Variants in GRIP1 observed in about 807,000 individuals in gnomAD.
The protein encoded by GRIP1 is glutamate receptor interacting protein 1.
Under a neutral mutation model 129.9 loss-of-function variants are expected in GRIP1, and 45 were observed. That is an observed-to-expected ratio of 0.35 (90% confidence interval 0.27 to 0.44). The LOEUF is 0.44. GRIP1 is among the 20% of genes least tolerant of loss of function. The probability of loss-of-function intolerance (pLI) is 1.00; values close to 1 mark genes in which losing one functional copy is unlikely to be tolerated. For missense variants in GRIP1, 1,196 were observed against 1,396.8 expected (o/e 0.86, Z 2.29); for synonymous variants, 530 against 520.8 (o/e 1.02, Z -0.24).
At chr12:66,809,628 T>C (rs1310561889) in intron 1 of GRIP1, among the ~76,000 whole-genome samples, 1 of 152,154 alleles carries the variant, frequency 6.6e-6, no homozygotes, top group Non-Finnish European at 1.5e-5. Flanking sequence ...ATAGATCATG[T>C]AACTCATGAG....
At chr12:66,878,591 T>C (rs1159211478) in intron 1 of GRIP1, among the ~76,000 whole-genome samples, 1 of 151,962 alleles carries the variant, frequency 6.6e-6, no homozygotes, top group African/African-American at 2.4e-5. Context: ...AGTTGGGACA[T>C]ATTCTACATA....
At chr12:67,018,977 T>G (rs181253529) in intron 1 of GRIP1, among the ~76,000 whole-genome samples, 194 of 152,184 alleles carry the variant, frequency 1.3e-3, no homozygotes, top group Non-Finnish European at 2.2e-3. Flanking sequence ...GGATACAGTT[T>G]AAAATGCATA....
intron 1 of GRIP1, among the ~76,000 whole-genome samples, chr12:67,004,903 G>A (rs892930224): frequency 6.6e-6 from 1 of 151,718 alleles, no homozygotes; most frequent in African/African-American, 2.4e-5. Context: ...ATGCATAACA[G>A]AAAGAGCAAA....
chr12:67,021,595 CAATT>C (rs2042867992), intron 1 of GRIP1, among the ~76,000 whole-genome samples: 1 of 152,182 alleles, frequency 6.6e-6, no homozygotes, highest in Non-Finnish European at 1.5e-5. Flanking sequence ...CAAATCAGAG[CAATT>C]AATACCCATC....
intron 2 of GRIP1, among the ~76,000 whole-genome samples, chr12:66,555,776 G>C (rs573856211): frequency 1.3e-5 from 2 of 151,912 alleles, no homozygotes; most frequent in African/African-American, 4.8e-5. Flanking sequence ...TGCAATTGAC[G>C]TACTAAAGAA....
At chr12:66,723,246 TCC>T (rs1173685329) in intron 1 of GRIP1, among the ~76,000 whole-genome samples, 5 of 7,006 alleles carry the variant, frequency 7.1e-4, no homozygotes, top group African/African-American at 1.2e-3. Flanking sequence ...CTCTCTTCCT[TCC>T]TTCCTTCCTT....
chr12:66,911,518 GA>G (rs2041029221), intron 1 of GRIP1, among the ~76,000 whole-genome samples: 1 of 151,742 alleles, frequency 6.6e-6, no homozygotes, highest in Admixed American at 6.5e-5. Flanking sequence ...ATGTAACTAA[GA>G]AAAAAAGGGA....
chr12:66,873,232 C>T (rs561211914), intron 1 of GRIP1, among the ~76,000 whole-genome samples: 1 of 152,022 alleles, frequency 6.6e-6, no homozygotes, highest in Non-Finnish European at 1.5e-5. Context: ...CAGCATACTT[C>T]TATTTGTCAA....
intron 1 of GRIP1, among the ~76,000 whole-genome samples, chr12:67,015,215 C>A (rs1217402323): frequency 6.6e-6 from 1 of 152,136 alleles, no homozygotes; most frequent in Non-Finnish European, 1.5e-5. Context: ...TTCTGCAGCA[C>A]ATTAAGATGT....
At chr12:66,870,041 A>G (rs1199342727) in intron 1 of GRIP1, among the ~76,000 whole-genome samples, 3 of 152,072 alleles carry the variant, frequency 2.0e-5, no homozygotes, top group Admixed American at 1.3e-4. Flanking sequence ...TACCCATTAG[A>G]TGCCAGTAAC....
At chr12:67,058,364 G>A (rs1414169462) in intron 1 of GRIP1, among the ~76,000 whole-genome samples, 4 of 152,164 alleles carry the variant, frequency 2.6e-5, no homozygotes, top group African/African-American at 4.8e-5. Context: ...ATAAATGAAA[G>A]TGAAAAAGAA....
upstream of GRIP1, among the ~76,000 whole-genome samples, chr12:66,808,238 C>G (rs2039034854): frequency 6.6e-6 from 1 of 152,088 alleles, no homozygotes; most frequent in Non-Finnish European, 1.5e-5. Context: ...GGCAGTTTAT[C>G]TCCCACAAAT....
At chr12:66,462,488 C>T (rs1469778981) in intron 9 of GRIP1, among the ~76,000 whole-genome samples, 1 of 152,046 alleles carries the variant, frequency 6.6e-6, no homozygotes, top group South Asian at 2.1e-4. Flanking sequence ...ATAGCACTAG[C>T]CTGAAAATTT....
intron 2 of GRIP1, among the ~76,000 whole-genome samples, chr12:66,542,615 T>C (rs1233286205): frequency 6.6e-6 from 1 of 152,160 alleles, no homozygotes; most frequent in East Asian, 1.9e-4. Context: ...ATTTCACAGA[T>C]CTTGTGGGGA....
intron 24 of GRIP1, among the ~76,000 whole-genome samples, chr12:66,350,244 T>C (rs905147026): frequency 2.6e-5 from 4 of 152,246 alleles, no homozygotes; most frequent in Admixed American, 2.6e-4. Context: ...ACACCTGTTA[T>C]CGCAGTACTT....
chr12:66,564,177 G>A (rs1565865306), intron 2 of GRIP1: 1 of 152,330 alleles, frequency 6.6e-6, no homozygotes, highest in Non-Finnish European at 1.5e-5. Context: ...TGCACAACGT[G>A]CAGGTTTGTT....
chr12:67,068,825 C>G (rs1443927855), intron 1 of GRIP1, among the ~76,000 whole-genome samples: 2 of 146,258 alleles, frequency 1.4e-5, no homozygotes, highest in Admixed American at 6.7e-5. Flanking sequence ...GCTGCAGCAC[C>G]ACCCCTCTCC....
At chr12:66,381,220 G>C (rs897642339) in intron 19 of GRIP1, among the ~76,000 whole-genome samples, 9 of 152,222 alleles carry the variant, frequency 5.9e-5, no homozygotes, top group African/African-American at 1.9e-4. Flanking sequence ...CCTTGGAGCA[G>C]AGGAAATATT....
At chr12:66,361,288 A>C (rs1018744849) in intron 23 of GRIP1, among the ~76,000 whole-genome samples, 8 of 152,116 alleles carry the variant, frequency 5.3e-5, no homozygotes, top group African/African-American at 1.9e-4. Flanking sequence ...CTCCTGCTTC[A>C]TTCTGGCAAC....
Sources: gnomAD v4.1 joint callset for allele counts (sites outside exome capture counted in the v4.1 genomes callset) on GRCh38, gnomAD v4.1.1 for gene constraint, MANE v1.5 for transcripts, NCBI Gene and HGNC (gene_info 2026-07-23, HGNC 2026-07-21) for gene names.